Variants in PDE6A observed in about 807,000 individuals in gnomAD.
PDE6A encodes the protein phosphodiesterase 6A, also known as rod cGMP-specific 3',5'-cyclic phosphodiesterase subunit alpha.
In PDE6A, 84 loss-of-function variants were observed where a neutral mutation model predicts 106.3. The observed-to-expected ratio is 0.79, with a 90% CI of 0.66 to 0.95. The LOEUF (loss-of-function observed/expected upper bound fraction) is 0.95. Among genes scored for constraint, PDE6A ranks in the 40% least tolerant of loss-of-function variants. The pLI is 0.00. For synonymous variants in PDE6A, 394 were observed against 386.6 expected, an observed-to-expected ratio of 1.02 and a Z score of -0.23; for missense variants, 1,052 against 1,084.9, an observed-to-expected ratio of 0.97 and a Z score of 0.43.
Position 149,862,071 on chromosome 5 carries a change from C to T in PDE6A, c.2506+1048G>A, listed in dbSNP as rs1760163844. On this transcript the variant is annotated intron_variant, in intron 21 of 21. Transcript: ENST00000255266. ...ACGCTGCCCAGAGCAGAGCTGAGGC[C>T]CTGACATTTTCCATGTGTAAGAGCC... 2.0e-5 allele frequency among the ~76,000 whole-genome samples: 3 copies of T among 152,102 alleles called. No individual in the cohort carries two copies. In the South Asian group the frequency reaches 6.2e-4, roughly 32 times the overall value.
At chr5:149,925,135 G>C (rs974072976) in intron 4 of PDE6A, among the ~76,000 whole-genome samples, 1 of 152,086 alleles carries the variant, frequency 6.6e-6, no homozygotes, top group Non-Finnish European at 1.5e-5. Context: ...CATGTCTCTA[G>C]TCTTCAAACA....
chr5:149,934,794 A>T, intron 1 of PDE6A, 76 bp from the exon 2 acceptor site: 1 of 1,438,608 alleles, frequency 7.0e-7, no homozygotes, highest in Non-Finnish European at 9.8e-7. Context: ...GCCCCTGTTG[A>T]CAAGGGAATA....
chr5:149,936,679 G>T (rs945514152), intron 1 of PDE6A, among the ~76,000 whole-genome samples: 1 of 152,114 alleles, frequency 6.6e-6, no homozygotes, highest in Non-Finnish European at 1.5e-5. Flanking sequence ...TATATATTCA[G>T]CATATAAAGT....
At chr5:149,899,305 G>A (rs926967246) in intron 9 of PDE6A, 70 bp downstream of exon 9, 2 of 1,528,936 alleles carry the variant, frequency 1.3e-6, no homozygotes, top group Admixed American at 3.3e-5. Flanking sequence ...TGATAGCGCA[G>A]TGACACCCAG....
intron 6 of PDE6A, 52 bp downstream of exon 6, chr5:149,914,891 A>T: frequency 1.7e-6 from 2 of 1,186,354 alleles, no homozygotes; most frequent in Non-Finnish European, 2.5e-6. Context: ...AAGCCAATTG[A>T]GATCTTTAAG....
chr5:149,883,086 C>T (rs79448973), intron 17 of PDE6A, among the ~76,000 whole-genome samples: 6,049 of 152,034 alleles, frequency 0.04, 425 homozygotes, highest in African/African-American at 0.14. Context: ...AAACAAAAAC[C>T]CCTTAATTGC....
intron 4 of PDE6A, among the ~76,000 whole-genome samples, chr5:149,926,625 T>C (rs189085080): frequency 2.0e-5 from 3 of 152,310 alleles, no homozygotes; most frequent in East Asian, 3.9e-4. Context: ...AAGGAAAAGA[T>C]TGATAAATTG....
At chr5:149,880,605 C>A (rs950676219) in intron 17 of PDE6A, among the ~76,000 whole-genome samples, 1 of 151,662 alleles carries the variant, frequency 6.6e-6, no homozygotes, top group African/African-American at 2.4e-5. Flanking sequence ...CCCAGCTACT[C>A]AGGAGGCTGA....
rs112444403 is a variant in PDE6A, at chr5:149,923,839, G to A, written c.859-2130C>T. Among the ~76,000 whole-genome samples the A allele has an allele frequency of 6.1e-3, 926 of 152,238 alleles. 7 individuals carry two copies. Among genetic ancestry groups the A allele is most frequent in the African/African-American group, 0.02 (849 of 41,540 alleles). On this transcript the variant is annotated intron_variant, in intron 4 of 21. Transcript: ENST00000255266. ...ATCTGTTACTATACAGGGACAAACC[G>A]TGATCTATTAGCACTGGGTTACTGT...
At chr5:149,903,147 T>TAAAAAAAAAAAAAAAAAAAAA (rs373566897) in intron 8 of PDE6A, among the ~76,000 whole-genome samples, 40 of 90,924 alleles carry the variant, frequency 4.4e-4, no homozygotes, top group Non-Finnish European at 5.8e-4. Flanking sequence ...AGACCCTCTC[T>TAAAAAAAAAAAAAAAAAAAAA]AAAAAAAAAA....
In PDE6A at chr5:149,932,252, A is replaced by G. The variant is rs144189048; in HGVS notation, c.718-1084T>C. The G allele has an allele frequency of 5.5e-4, 780 of 1,410,060 alleles. 9 individuals are homozygous for G. The East Asian group carries it at 0.016, about 29-fold the overall frequency. The allele number at this position is 1,410,060 out of a possible 1,614,324, so 87.3% of individuals were successfully genotyped here. On this transcript the variant is annotated intron_variant, in intron 3 of 21. Transcript: ENST00000255266. ...GAGAATCATTTCTGACCAGCTGTCCATTTTGGCGAACAGCAGTTTCACTCG... is the reference window on the plus strand; with the variant it reads ...GAGAATCATTTCTGACCAGCTGTCCGTTTTGGCGAACAGCAGTTTCACTCG...
chr5:149,934,657 G>A lies in PDE6A; in HGVS notation c.536C>T (p.Ala179Val). 3 of 1,613,862 alleles carry A rather than the reference G, an allele frequency of 1.9e-6. No homozygotes were observed. Among genetic ancestry groups the A allele is most frequent in the East Asian group, 2.2e-5 (1 of 44,884 alleles). ...ATCCTTCCCATTCATTATGGGGGAA[G>A]CCAAGATGTTCTTGGTCTTGTACTC... is the stretch of plus-strand genomic sequence containing the variant. Reference protein sequence around the residue: ...LTEYKTKNILASPIMNGKDVV... With the variant: ...LTEYKTKNILVSPIMNGKDVV... The change falls in exon 2 of 22, where the codon GCT (alanine) becomes GTT (valine). Residue 179 changes from alanine to valine, a missense_variant. Around this residue, in one of 3 missense-constraint regions of PDE6A, gnomAD observed 913 missense variants for 915.2 expected, o/e 1.00. Transcript: ENST00000255266.
chr5:149,872,996 C>T (rs1760615848), intron 17 of PDE6A, among the ~76,000 whole-genome samples: 1 of 152,100 alleles, frequency 6.6e-6, no homozygotes, highest in Admixed American at 6.5e-5. Context: ...ATAAGCAGGG[C>T]CAGCTCGTCC....
At chr5:149,868,724 T>C (rs1371481641) in intron 17 of PDE6A, among the ~76,000 whole-genome samples, 1 of 152,206 alleles carries the variant, frequency 6.6e-6, no homozygotes, top group African/African-American at 2.4e-5. Context: ...CACGATGAGC[T>C]TTTAATACCA....
Position 149,934,632 on chromosome 5 carries a change from A to T in PDE6A, c.561T>A (p.Asp187Glu). 6.2e-7 allele frequency: 1 copy of T among 1,614,106 alleles called. No homozygotes were observed. Among genetic ancestry groups the T allele is most frequent in the Non-Finnish European group, 8.5e-7 (1 of 1,179,926 alleles). Residue 187 changes from aspartate to glutamate, a missense_variant, in exon 2 of 22, where the codon GAT becomes GAA. This residue lies in a region of PDE6A where 913 missense variants were observed against 915.2 expected (regional missense o/e 1.00). Coordinates refer to ENST00000255266, the MANE Select transcript of PDE6A (RefSeq NM_000440.3). ...ILASPIMNGK[D>E]VVAIIMAVNK... ...TCACAGCCATGATTATGGCCACCAC[A>T]TCCTTCCCATTCATTATGGGGGAAG... is the stretch of plus-strand genomic sequence containing the variant.
intron 3 of PDE6A, chr5:149,932,482 TTCCTGCTACAACAA>T: frequency 7.2e-7 from 1 of 1,391,794 alleles, no homozygotes; most frequent in East Asian, 2.3e-5. Context: ...TCCTCATTAT[TTCCTGCTACAACAA>T]TCCTCTCTGG....
At chr5:149,899,237 G>A (rs1752873208) in intron 9 of PDE6A, 138 bp downstream of exon 9, 1 of 808,070 alleles carries the variant, frequency 1.2e-6, no homozygotes, top group African/African-American at 1.7e-5. Context: ...CAGTGAGAGT[G>A]AAGAAAGTGG....
intron 6 of PDE6A, among the ~76,000 whole-genome samples, chr5:149,913,274 C>A (rs546362049): frequency 6.6e-5 from 10 of 151,346 alleles, no homozygotes; most frequent in African/African-American, 2.4e-4. Flanking sequence ...CCCAGCTACT[C>A]GGGAGGCTGA....
At chr5:149,912,318 T>C (rs1222241737) in intron 6 of PDE6A, among the ~76,000 whole-genome samples, 2 of 152,198 alleles carry the variant, frequency 1.3e-5, no homozygotes, top group Non-Finnish European at 2.9e-5. Flanking sequence ...TGCCTTCCTT[T>C]GGTTTGATTA....
Sources: gnomAD v4.1 joint callset for allele counts (sites outside exome capture counted in the v4.1 genomes callset) on GRCh38, gnomAD v4.1.1 for gene constraint, gnomAD v4.1.1 regional missense constraint, MANE v1.5 for transcripts, NCBI Gene and HGNC (gene_info 2026-07-23, HGNC 2026-07-21) for gene names.